CNTNAP2: variants seen among roughly 807,000 people sequenced by gnomAD.
CNTNAP2 encodes contactin associated protein 2.
In CNTNAP2, 98 loss-of-function variants were observed where a neutral mutation model predicts 155.2. That is an observed-to-expected ratio of 0.63 (90% CI 0.54 to 0.75). The LOEUF is 0.75. Ranked by LOEUF, CNTNAP2 falls within the 30% of genes least tolerant of loss-of-function variation. CNTNAP2 has a pLI of 0.00. For synonymous variants in CNTNAP2, 651 were observed against 631.2 expected, an observed-to-expected ratio of 1.03 and a Z score of -0.47; for missense variants, 1,727 against 1,688.1, an observed-to-expected ratio of 1.02 and a Z score of -0.40.
intron 14 of CNTNAP2, among the ~76,000 whole-genome samples, chr7:147,934,089 G>A (rs1800560943): frequency 6.6e-6 from 1 of 152,114 alleles, no homozygotes; most frequent in Non-Finnish European, 1.5e-5. Context: ...CTATTCAATG[G>A]GTATAAAGTT....
intron 21 of CNTNAP2, among the ~76,000 whole-genome samples, chr7:148,350,460 C>A (rs2037869): frequency 2.0e-5 from 3 of 151,960 alleles, no homozygotes; most frequent in Non-Finnish European, 4.4e-5. Flanking sequence ...TGAGGTCATG[C>A]GTAGTAAACA....
chr7:146,428,622 T>A (rs1796128039), intron 1 of CNTNAP2, among the ~76,000 whole-genome samples: 1 of 152,010 alleles, frequency 6.6e-6, no homozygotes, highest in African/African-American at 2.4e-5. Context: ...TAATTTTTTT[T>A]AAGTTCCTTG....
chr7:148,057,684 C>T (rs990326348), intron 15 of CNTNAP2, among the ~76,000 whole-genome samples: 3 of 152,168 alleles, frequency 2.0e-5, no homozygotes, highest in Non-Finnish European at 4.4e-5. Context: ...TCAGTTAAAA[C>T]TTACTGAAGG....
At chr7:146,865,141 TAACA>T (rs1795179378) in intron 3 of CNTNAP2, among the ~76,000 whole-genome samples, 1 of 151,998 alleles carries the variant, frequency 6.6e-6, no homozygotes, top group African/African-American at 2.4e-5. Flanking sequence ...CTTGAAATAC[TAACA>T]GTTAATTATA....
intron 3 of CNTNAP2, among the ~76,000 whole-genome samples, chr7:147,026,618 T>C (rs1032682792): frequency 6.6e-6 from 1 of 151,950 alleles, no homozygotes; most frequent in African/African-American, 2.4e-5. Flanking sequence ...GAGATTTTCT[T>C]TCATTTTCTT....
chr7:148,194,812 G>A (rs559922182), intron 18 of CNTNAP2, among the ~76,000 whole-genome samples: 1 of 152,158 alleles, frequency 6.6e-6, no homozygotes, highest in Non-Finnish European at 1.5e-5. Context: ...CCCCTCAATG[G>A]ATTGGATGGT....
intron 20 of CNTNAP2, 55 bp downstream of exon 20, chr7:148,229,834 C>T: frequency 6.3e-7 from 1 of 1,598,690 alleles, no homozygotes; most frequent in Admixed American, 1.7e-5. Flanking sequence ...AGTCCCTGTC[C>T]CTATAATGCT....
chr7:146,592,237 G>T (rs1057106944), intron 1 of CNTNAP2, among the ~76,000 whole-genome samples: 1 of 152,184 alleles, frequency 6.6e-6, no homozygotes, highest in African/African-American at 2.4e-5. Flanking sequence ...GATCTCTGTG[G>T]CATATGGTCT....
chr7:146,787,588 C>G (rs559004486), intron 2 of CNTNAP2, among the ~76,000 whole-genome samples: 1 of 152,230 alleles, frequency 6.6e-6, no homozygotes, highest in Admixed American at 6.5e-5. Context: ...AAATGCCGCA[C>G]GGACACAAAG....
At position 148,003,714 on chromosome 7, in the gene CNTNAP2, A is replaced by C. The variant is rs563958653; in HGVS notation, c.2383+25725A>C. ...TATGGCTAACCACTCTCCTTCAAAA[A>C]ACTTCACAATTTGTTAAGTTTAGAT... On this transcript the variant is annotated intron_variant, in intron 15 of 23. Coordinates refer to ENST00000361727, the MANE Select transcript of CNTNAP2 (RefSeq NM_014141.6). Among the ~76,000 whole-genome samples the C allele has an allele frequency of 1.8e-4, 27 of 152,382 alleles. No homozygotes were observed. In the South Asian group the frequency reaches 2.1e-3, roughly 12 times the overall value.
chr7:147,383,332 A>G lies in CNTNAP2; in HGVS notation c.1499-12277A>G, dbSNP rs1251770774. Among the ~76,000 whole-genome samples the G allele has an allele frequency of 2.0e-5, 3 of 152,278 alleles. No homozygotes were observed. The East Asian group carries it at 5.8e-4, about 29-fold the overall frequency. On this transcript the variant is annotated intron_variant, in intron 9 of 23. Coordinates refer to ENST00000361727, the MANE Select transcript of CNTNAP2 (RefSeq NM_014141.6). ...ATATATATTATGTTTTAAAGAAGAT[A>G]TTTTTATCACTATTTTCAGACTTAA...
chr7:147,225,745 AGG>A (rs780325307), intron 8 of CNTNAP2, among the ~76,000 whole-genome samples: 247 of 13,940 alleles, frequency 0.018, 4 homozygotes, highest in Non-Finnish European at 0.029. Context: ...GAAGGAAAGA[AGG>A]AAGGAAGGAA....
chr7:147,423,170 A>G (rs1797324406), intron 10 of CNTNAP2, among the ~76,000 whole-genome samples: 1 of 152,184 alleles, frequency 6.6e-6, no homozygotes, highest in African/African-American at 2.4e-5. Flanking sequence ...ATGAAAAATA[A>G]AAGGCACATT....
At chr7:147,216,369 G>A (rs945960457) in intron 8 of CNTNAP2, among the ~76,000 whole-genome samples, 1 of 151,906 alleles carries the variant, frequency 6.6e-6, no homozygotes, top group African/African-American at 2.4e-5. Context: ...AAGGATATAA[G>A]GTCTATGTAG....
At chr7:147,008,296 A>G (rs546687335) in intron 3 of CNTNAP2, among the ~76,000 whole-genome samples, 12 of 152,218 alleles carry the variant, frequency 7.9e-5, no homozygotes, top group Admixed American at 3.3e-4. Flanking sequence ...CATTATTTCT[A>G]ATATATAAGG....
chr7:148,000,535 TA>T (rs1317548904), intron 15 of CNTNAP2, among the ~76,000 whole-genome samples: 2 of 152,206 alleles, frequency 1.3e-5, no homozygotes, highest in African/African-American at 4.8e-5. Flanking sequence ...AGAGATTCAG[TA>T]ATTTGCTCCA....
At chr7:146,656,214 C>T (rs1450035415) in intron 1 of CNTNAP2, among the ~76,000 whole-genome samples, 2 of 152,184 alleles carry the variant, frequency 1.3e-5, no homozygotes, top group East Asian at 1.9e-4. Flanking sequence ...TCTCTTATTA[C>T]CCTTTCTTTT....
rs1309378607 is a variant in CNTNAP2 at position 147,469,522 on chromosome 7, TTTTTTTTTTTC to T, written c.1671-16411_1671-16401del. ...CAGGCTGCAATTTTTTTTTTTTTTT[TTTTTTTTTTTC>T]TGTGAGACAAAGTCTCGCTCTGCCG... On this transcript the variant is annotated intron_variant, in intron 10 of 23. Coordinates refer to ENST00000361727, the MANE Select transcript of CNTNAP2 (RefSeq NM_014141.6). 3.7e-3 allele frequency among the ~76,000 whole-genome samples: 308 copies of T among 84,240 alleles called. 15 individuals are homozygous for T. The highest frequency in any genetic ancestry group is 9.1e-3 in the Middle Eastern group (2 of 220). The allele number at this position is 84,240 out of a possible 152,430, so 55.3% of individuals were successfully genotyped here.
intron 3 of CNTNAP2, among the ~76,000 whole-genome samples, chr7:146,842,341 C>G (rs1803744296): frequency 2.6e-5 from 4 of 152,106 alleles, no homozygotes; most frequent in African/African-American, 9.7e-5. Context: ...TGTCTTCTCC[C>G]TTTCTGGTGT....
Sources: allele counts gnomAD v4.1 joint callset (sites outside exome capture counted in the v4.1 genomes callset), GRCh38; gene constraint gnomAD v4.1.1; transcripts MANE v1.5; gene names NCBI Gene and HGNC (gene_info 2026-07-23, HGNC 2026-07-21).